C19orf81: variants seen among roughly 807,000 people sequenced by gnomAD.
The protein encoded by C19orf81 is chromosome 19 open reading frame 81, also known as putative uncharacterized protein C19orf81.
A neutral mutation model predicts 22.1 loss-of-function variants in C19orf81; 19 were observed. The ratio of observed to expected loss-of-function variants is 0.86; its 90% CI spans 0.60 to 1.26. C19orf81 has a LOEUF of 1.26. Among genes scored for constraint, C19orf81 ranks in the 50% most tolerant of loss-of-function variants. C19orf81 has a pLI of 0.00. For synonymous variants in C19orf81, 108 were observed against 113.1 expected (o/e 0.95, Z 0.29); for missense variants, 287 against 280.7 (o/e 1.02, Z -0.16).
In C19orf81 at chr19:50,649,458, T is replaced by G. The variant is rs576562572; in HGVS notation, c.14T>G (p.Val5Gly). 93 of 1,536,058 alleles carry G rather than the reference T, an allele frequency of 6.1e-5. No homozygotes were observed. In the Admixed American group the frequency reaches 1.7e-3, roughly 29 times the overall value. Residue 5 changes from valine to glycine, a missense_variant, in exon 1 of 5, where the codon GTG becomes GGG. Transcript: ENST00000425202. ...CACCTTCCCAGGATGCAGCCAGAGG[T>G]GGAGCCCGTGTGCTTCCCTGCCATG... is the stretch of plus-strand genomic sequence containing the variant. The part of the protein sequence containing the change: MQPE[V>G]EPVCFPAMGS...
chr19:50,655,744 A>G (rs1011348205), intron 1 of C19orf81, among the ~76,000 whole-genome samples: 2 of 152,058 alleles, frequency 1.3e-5, no homozygotes, highest in Admixed American at 1.3e-4. Flanking sequence ...TGACTAGAAG[A>G]GGAAGCAAAA....
chr19:50,652,696 G>A (rs1984902476), intron 1 of C19orf81, among the ~76,000 whole-genome samples: 2 of 152,146 alleles, frequency 1.3e-5, no homozygotes, highest in Non-Finnish European at 2.9e-5. Context: ...AAGGACTTTG[G>A]ACTTTATTCA....
At chr19:50,654,669 AC>A (rs202131863) in intron 1 of C19orf81, among the ~76,000 whole-genome samples, 1,710 of 128,532 alleles carry the variant, frequency 0.013, 29 homozygotes, top group African/African-American at 0.05. Flanking sequence ...TTTCTCTGTC[AC>A]CCAGGCTGAA....
At chr19:50,650,003 T>A (rs1372863614) in intron 1 of C19orf81, among the ~76,000 whole-genome samples, 1 of 152,040 alleles carries the variant, frequency 6.6e-6, no homozygotes, top group Non-Finnish European at 1.5e-5. Context: ...TTCCTCTCTG[T>A]CCCCGCAGCC....
At chr19:50,653,669 G>A (rs1049531802) in intron 1 of C19orf81, among the ~76,000 whole-genome samples, 1 of 139,352 alleles carries the variant, frequency 7.2e-6, no homozygotes, top group African/African-American at 2.7e-5. Flanking sequence ...TTGACTTATT[G>A]TAATGAGAGA....
At chr19:50,649,607 G>A in intron 1 of C19orf81, 96 bp downstream of exon 1, 2 of 1,334,092 alleles carry the variant, frequency 1.5e-6, no homozygotes, top group East Asian at 2.5e-5. Context: ...GCGAGTCACT[G>A]GCACTCCAAA....
At chr19:50,652,374 G>A (rs541483057) in intron 1 of C19orf81, among the ~76,000 whole-genome samples, 5 of 152,274 alleles carry the variant, frequency 3.3e-5, no homozygotes, top group African/African-American at 9.6e-5. Flanking sequence ...CTCAGAAGAC[G>A]TAGGGAAGAC....
chr19:50,657,924 G>T (rs1985031580), intron 3 of C19orf81, 65 bp from the exon 4 acceptor site: 1 of 1,469,816 alleles, frequency 6.8e-7, no homozygotes, highest in African/African-American at 1.4e-5. Flanking sequence ...GTCTAGGGTG[G>T]TGACTTCTGA....
intron 3 of C19orf81, among the ~76,000 whole-genome samples, chr19:50,657,629 G>T (rs1405506467): frequency 6.6e-6 from 1 of 152,200 alleles, no homozygotes; most frequent in Non-Finnish European, 1.5e-5. Context: ...AAATTTTCAA[G>T]AACTTTCAGG....
intron 1 of C19orf81, among the ~76,000 whole-genome samples, chr19:50,653,463 T>A (rs1276318486): frequency 6.6e-6 from 1 of 151,970 alleles, no homozygotes; most frequent in Non-Finnish European, 1.5e-5. Context: ...GAGGCCGGTA[T>A]GACTGGAAGA....
intron 3 of C19orf81, among the ~76,000 whole-genome samples, chr19:50,656,829 G>A (rs546625864): frequency 1.3e-5 from 2 of 152,092 alleles, no homozygotes; most frequent in East Asian, 3.9e-4. Flanking sequence ...GCAGGTGGCT[G>A]GAATCCCAGC....
At chr19:50,657,008 A>G (rs1440181815) in intron 3 of C19orf81, among the ~76,000 whole-genome samples, 59 of 149,394 alleles carry the variant, frequency 3.9e-4, no homozygotes, top group African/African-American at 1.4e-3. Flanking sequence ...AGGGAGGGAA[A>G]GGAAAGGAAA....
At chr19:50,658,414 G>A (rs986816327) in intron 4 of C19orf81, 1 of 402,160 alleles carries the variant, frequency 2.5e-6, no homozygotes, top group Non-Finnish European at 4.5e-6. Context: ...GACTAGATAA[G>A]AGCGAGATTG....
intron 1 of C19orf81, among the ~76,000 whole-genome samples, chr19:50,652,574 A>G (rs58011996): frequency 0.23 from 34,276 of 152,084 alleles, 4,911 homozygotes; most frequent in African/African-American, 0.42. Flanking sequence ...CAGAGAGTCC[A>G]AGTCGCAGAA....
Position 50,658,117 on chromosome 19 carries a change from G to A in C19orf81, c.390G>A (p.Gly130=), listed in dbSNP as rs1451296249. 2.6e-6 allele frequency: 4 copies of A among 1,534,354 alleles called. No individual in the cohort carries two copies. Among genetic ancestry groups the A allele is most frequent in the East Asian group, 4.9e-5 (2 of 40,872 alleles). ...ENMNVICGTA[G]RRNRWLIAVT... ...TGAACGTCATCTGTGGGACTGCTGG[G>A]CGCCGGAACCGGTGAGTAAGCGGCG... Residue 130 remains glycine, a synonymous_variant, in exon 4 of 5, where the codon GGG becomes GGA. Coordinates refer to ENST00000425202, the MANE Select transcript of C19orf81 (RefSeq NM_001195076.2).
intron 1 of C19orf81, among the ~76,000 whole-genome samples, chr19:50,652,974 G>A (rs7257025): frequency 0.53 from 79,961 of 152,018 alleles, 22,763 homozygotes; most frequent in Admixed American, 0.64. Flanking sequence ...GTTTCATCAT[G>A]TGTTAAACAA....
chr19:50,656,607 T>C (rs1356702497), intron 3 of C19orf81, among the ~76,000 whole-genome samples: 4 of 151,174 alleles, frequency 2.6e-5, no homozygotes, highest in Non-Finnish European at 1.5e-5. Context: ...ACAAAAGGAG[T>C]CCTACTAATC....
chr19:50,655,614 A>C (rs991212854), intron 1 of C19orf81, among the ~76,000 whole-genome samples: 1 of 151,548 alleles, frequency 6.6e-6, no homozygotes, highest in Admixed American at 6.6e-5. Context: ...GCGCCACTGC[A>C]CTCCAGCCTG....
intron 1 of C19orf81, 88 bp downstream of exon 1, chr19:50,649,599 GAGTCACTGGCAC>G: frequency 7.3e-7 from 1 of 1,375,318 alleles, no homozygotes; most frequent in Non-Finnish European, 1.0e-6. Flanking sequence ...GGCCTTAAGC[GAGTCACTGGCAC>G]TCCAAAGTGA....
Sources: allele counts gnomAD v4.1 joint callset (sites outside exome capture counted in the v4.1 genomes callset), GRCh38; gene constraint gnomAD v4.1.1; transcripts MANE v1.5; gene names NCBI Gene and HGNC (gene_info 2026-07-23, HGNC 2026-07-21).